The following GLP2R variants were observed in gnomAD, a reference collection of about 807,000 sequenced individuals.
The protein encoded by GLP2R is glucagon like peptide 2 receptor, also known as glucagon-like peptide 2 receptor.
Under a neutral mutation model 68.2 loss-of-function variants are expected in GLP2R, and 59 were observed. The observed-to-expected ratio is 0.87, with a 90% CI of 0.70 to 1.07. The LOEUF (loss-of-function observed/expected upper bound fraction) is 1.07. Among genes scored for constraint, GLP2R ranks in the 50% least tolerant of loss-of-function variants. The pLI is 0.00. For missense variants in GLP2R, 548 were observed against 677.4 expected (o/e 0.81, Z 2.12); for synonymous variants, 270 against 265.4 (o/e 1.02, Z -0.17).
At chr17:9,878,157 A>C (rs948379751) in intron 10 of GLP2R, among the ~76,000 whole-genome samples, 2 of 152,118 alleles carry the variant, frequency 1.3e-5, no homozygotes, top group African/African-American at 4.8e-5. Context: ...TGAGTAGTAC[A>C]AGCCGGGTGG....
At chr17:9,840,286 TTC>T (rs1193142032) in intron 3 of GLP2R, among the ~76,000 whole-genome samples, 1 of 152,228 alleles carries the variant, frequency 6.6e-6, no homozygotes, top group Non-Finnish European at 1.5e-5. Flanking sequence ...CTGAGGCCTC[TTC>T]TATACCTGTG....
At chr17:9,863,066 T>A (rs956709116) in intron 9 of GLP2R, among the ~76,000 whole-genome samples, 2 of 152,180 alleles carry the variant, frequency 1.3e-5, no homozygotes, top group African/African-American at 4.8e-5. Context: ...ATCTCTGGTC[T>A]ATGAGGTGGC....
At chr17:9,847,347 G>C (rs1422648711) in intron 4 of GLP2R, among the ~76,000 whole-genome samples, 1 of 151,762 alleles carries the variant, frequency 6.6e-6, no homozygotes. Context: ...TCGGCTCACT[G>C]CAACCTCCGC....
chr17:9,880,928 C>G (rs1597403927), intron 11 of GLP2R, among the ~76,000 whole-genome samples: 1 of 152,234 alleles, frequency 6.6e-6, no homozygotes, highest in Non-Finnish European at 1.5e-5. Flanking sequence ...TGAGTTCAGA[C>G]CAGGAGGCTA....
At chr17:9,859,535 G>A (rs1289830267) in intron 6 of GLP2R, among the ~76,000 whole-genome samples, 1 of 151,840 alleles carries the variant, frequency 6.6e-6, no homozygotes, top group Non-Finnish European at 1.5e-5. Flanking sequence ...GCTAACACCT[G>A]CAATCCCAGC....
intron 4 of GLP2R, among the ~76,000 whole-genome samples, chr17:9,843,394 C>T (rs192857961): frequency 1.2e-3 from 178 of 152,246 alleles, no homozygotes; most frequent in African/African-American, 4.0e-3. Flanking sequence ...TCATTCATGC[C>T]ACAGGGATCA....
Position 9,861,122 on chromosome 17 carries a change from C to T in GLP2R, c.926-17C>T. On this transcript the variant is annotated splice_polypyrimidine_tract_variant and intron_variant, in intron 7 of 12. Transcript: ENST00000262441. The stretch of plus-strand genomic sequence containing the variant: ...CCAACCAACTCCTAACTACATTTCC[C>T]TGTGTTTTCTCCCCAGCCTTCCCTG... 4 of 1,611,276 alleles carry T rather than the reference C, an allele frequency of 2.5e-6. No individual in the cohort carries two copies. Among genetic ancestry groups the T allele is most frequent in the Non-Finnish European group, 3.4e-6 (4 of 1,177,638 alleles).
chr17:9,828,060 C>T (rs1214083825), intron 1 of GLP2R, among the ~76,000 whole-genome samples: 1 of 151,916 alleles, frequency 6.6e-6, no homozygotes, highest in Admixed American at 6.6e-5. Flanking sequence ...CCCCTCCAAT[C>T]CCCATGTAGG....
intron 9 of GLP2R, among the ~76,000 whole-genome samples, chr17:9,868,384 G>A (rs1003070583): frequency 1.2e-4 from 18 of 152,168 alleles, no homozygotes; most frequent in Non-Finnish European, 2.5e-4. Flanking sequence ...CAACTTGTAG[G>A]CCCAGATCTG....
intron 10 of GLP2R, among the ~76,000 whole-genome samples, chr17:9,873,222 C>T (rs2067111449): frequency 6.6e-6 from 1 of 152,190 alleles, no homozygotes; most frequent in Non-Finnish European, 1.5e-5. Context: ...TGGACAGAGG[C>T]TAGTGTTTCC....
chr17:9,881,378 CTTTTT>C (rs35526930), intron 11 of GLP2R, among the ~76,000 whole-genome samples: 1 of 95,642 alleles, frequency 1.0e-5, no homozygotes, highest in Non-Finnish European at 2.0e-5. Flanking sequence ...GCTGTCAGGC[CTTTTT>C]TTTTTTTTTT....
intron 4 of GLP2R, among the ~76,000 whole-genome samples, chr17:9,844,998 C>T (rs1276760291): frequency 6.6e-6 from 1 of 151,640 alleles, no homozygotes; most frequent in Non-Finnish European, 1.5e-5. Context: ...GTCCTTTCTA[C>T]CTAATTCTGT....
chr17:9,846,308 C>T (rs2066838046), intron 4 of GLP2R, among the ~76,000 whole-genome samples: 1 of 152,120 alleles, frequency 6.6e-6, no homozygotes. Context: ...TGGGGCGATA[C>T]CACATAAAGT....
At chr17:9,887,244 A>AT (rs2067251299) in intron 11 of GLP2R, among the ~76,000 whole-genome samples, 2 of 151,518 alleles carry the variant, frequency 1.3e-5, no homozygotes, top group Admixed American at 6.6e-5. Flanking sequence ...AAAAAAAAAA[A>AT]GGACCAGGCA....
At chr17:9,861,113 T>C in intron 7 of GLP2R, 26 bp from the exon 8 acceptor site, 2 of 1,606,936 alleles carry the variant, frequency 1.2e-6, no homozygotes, top group Non-Finnish European at 1.7e-6. Flanking sequence ...AACTCCTAAC[T>C]ACATTTCCCT....
At chr17:9,863,039 G>A (rs2067001154) in intron 9 of GLP2R, among the ~76,000 whole-genome samples, 1 of 152,198 alleles carries the variant, frequency 6.6e-6, no homozygotes, top group South Asian at 2.1e-4. Context: ...AACCGAGAGT[G>A]TGGACAGGCC....
Position 9,842,605 on chromosome 17 carries a change from T to C in GLP2R, c.493T>C (p.Phe165Leu), listed in dbSNP as rs2066798033. The C allele has an allele frequency of 6.2e-7, 1 of 1,613,766 alleles. No individual in the cohort carries two copies. The highest frequency in any genetic ancestry group is 1.7e-5 in the Admixed American group (1 of 60,016). The change falls in exon 4 of 13, where the codon TTC becomes CTC. Residue 165 changes from phenylalanine to leucine, a missense_variant. By Grantham distance (22) the Phe-to-Leu change is conservative (BLOSUM62 0). Transcript: ENST00000262441. ...DDSECSENHS[F>L]KQNVDRYALL... ...CTCCGAATGCTCCGAGAACCACAGC[T>C]TCAAGCAAAACGTGAGTTTGCTCAG... is the stretch of plus-strand genomic sequence containing the variant.
chr17:9,878,383 G>T (rs561926953), intron 10 of GLP2R, among the ~76,000 whole-genome samples: 4 of 152,332 alleles, frequency 2.6e-5, no homozygotes, highest in Non-Finnish European at 5.9e-5. Flanking sequence ...CTGCAGGTCA[G>T]TTACTATCCA....
At chr17:9,841,801 G>A (rs2066789674) in intron 3 of GLP2R, among the ~76,000 whole-genome samples, 1 of 152,138 alleles carries the variant, frequency 6.6e-6, no homozygotes, top group Non-Finnish European at 1.5e-5. Flanking sequence ...GCCAGGACTA[G>A]GAAGGACCAA....
Sources: gnomAD v4.1 joint callset for allele counts (sites outside exome capture counted in the v4.1 genomes callset) on GRCh38, gnomAD v4.1.1 for gene constraint, MANE v1.5 for transcripts, NCBI Gene and HGNC (gene_info 2026-07-23, HGNC 2026-07-21) for gene names.